The following UBXN7 variants were observed in gnomAD, a reference collection of about 807,000 sequenced individuals.
UBXN7 encodes the protein UBX domain protein 7.
A neutral mutation model predicts 58.0 loss-of-function variants in UBXN7; 9 were observed. That is an observed-to-expected ratio of 0.16 (90% CI 0.09 to 0.27). The LOEUF (loss-of-function observed/expected upper bound fraction) is 0.27, where lower values mean the gene tolerates loss of function less well. UBXN7 is among the 10% of genes least tolerant of loss of function. UBXN7 has a pLI of 1.00. For missense variants in UBXN7, 328 were observed against 599.6 expected (o/e 0.55, Z 4.73); for synonymous variants, 208 against 205.0 (o/e 1.01, Z -0.12).
chr3:196,350,265 A>T lies in UBXN7; in HGVS notation c.*6420T>A, dbSNP rs1285716901. On this transcript the variant is annotated 3_prime_UTR_variant, in exon 11 of 11. Transcript: ENST00000296328. ...GCCTGTGCCAAAAATCATCATGTTT[A>T]TGAGAATATCTGCAATTTTAAGCAA... 6.6e-6 allele frequency: 1 copy of T among 152,250 alleles called. No individual in the cohort carries two copies. Among genetic ancestry groups the T allele is most frequent in the Non-Finnish European group, 1.5e-5 (1 of 68,038 alleles). 9.4% of individuals were successfully genotyped at this position (152,250 alleles called of 1,614,324 possible). A position where few individuals can be genotyped will look rare whatever the true frequency, so the allele number is the denominator to read the frequency against.
intron 1 of UBXN7, chr3:196,431,480 G>A (rs1731046324): frequency 6.5e-6 from 1 of 154,726 alleles, no homozygotes; most frequent in Non-Finnish European, 1.4e-5. Context: ...GGGGTCCAAA[G>A]GGAGAGAACC....
intron 3 of UBXN7, among the ~76,000 whole-genome samples, chr3:196,402,574 T>A (rs567921053): frequency 6.2e-4 from 94 of 152,310 alleles, no homozygotes; most frequent in Non-Finnish European, 1.3e-3. Flanking sequence ...ACTGTGCCCT[T>A]CATCCACATG....
chr3:196,356,091 G>A lies in UBXN7; in HGVS notation c.*594C>T, dbSNP rs1024454867. ...GGAACATGAAAATCCTTTGAAAAAG[G>A]TTTTTAAGTATGATGAGCAATCATT... is the stretch of plus-strand genomic sequence containing the variant. On this transcript the variant is annotated 3_prime_UTR_variant, in exon 11 of 11. Coordinates refer to ENST00000296328, the MANE Select transcript of UBXN7 (RefSeq NM_015562.2). 6.6e-6 allele frequency: 1 copy of A among 152,602 alleles called. No individual in the cohort carries two copies. The highest frequency in any genetic ancestry group is 1.5e-5 in the Non-Finnish European group (1 of 68,042). 9.5% of individuals were successfully genotyped at this position (152,602 alleles called of 1,614,324 possible). A position where few individuals can be genotyped will look rare whatever the true frequency, so the allele number is the denominator to read the frequency against.
intron 8 of UBXN7, among the ~76,000 whole-genome samples, chr3:196,365,292 AAAATT>A (rs1216908429): frequency 6.6e-6 from 1 of 152,006 alleles, no homozygotes; most frequent in Non-Finnish European, 1.5e-5. Flanking sequence ...AAAAGAAAAT[AAAATT>A]AAGCTCAAAG....
intron 5 of UBXN7, among the ~76,000 whole-genome samples, chr3:196,386,380 TAAAAA>T (rs34268326): frequency 1.7e-5 from 1 of 57,728 alleles, no homozygotes; most frequent in Non-Finnish European, 3.2e-5. Flanking sequence ...TAATAAACAC[TAAAAA>T]AAAAAAAAAA....
At chr3:196,372,130 A>G in intron 5 of UBXN7, 88 bp from the exon 6 acceptor site, 3 of 1,433,726 alleles carry the variant, frequency 2.1e-6, no homozygotes, top group Non-Finnish European at 2.8e-6. Flanking sequence ...GTTGTCTTTC[A>G]TTAAAAATAC....
chr3:196,369,521 C>A lies in UBXN7; in HGVS notation c.616-10G>T, dbSNP rs372115062. 5 of 1,588,994 alleles carry A rather than the reference C, an allele frequency of 3.1e-6. No individual in the cohort carries two copies. Among genetic ancestry groups the A allele is most frequent in the South Asian group, 1.1e-5 (1 of 87,910 alleles). On this transcript the variant is annotated splice_polypyrimidine_tract_variant and intron_variant, in intron 6 of 10. Transcript: ENST00000296328. The stretch of plus-strand genomic sequence containing the variant: ...CACTGTCATGATAAACCTGTTAAAT[C>A]ATTGATATAAAAAAAAAAGTCAGCC...
At chr3:196,417,632 G>A (rs890483745) in intron 1 of UBXN7, among the ~76,000 whole-genome samples, 8 of 150,908 alleles carry the variant, frequency 5.3e-5, no homozygotes, top group Non-Finnish European at 7.4e-5. Context: ...AGCTGGGCGT[G>A]GTGGCTCACA....
At chr3:196,417,230 G>A (rs919384431) in intron 1 of UBXN7, among the ~76,000 whole-genome samples, 2 of 152,042 alleles carry the variant, frequency 1.3e-5, no homozygotes, top group Non-Finnish European at 2.9e-5. Flanking sequence ...GGAGAATGGC[G>A]TGAACCCGGC....
At chr3:196,369,643 C>A in intron 6 of UBXN7, 132 bp from the exon 7 acceptor site, 1 of 621,862 alleles carries the variant, frequency 1.6e-6, no homozygotes, top group Non-Finnish European at 2.7e-6. Context: ...CACTCCTACA[C>A]TAAAAAGAAA....
chr3:196,421,656 A>G (rs958237820), intron 1 of UBXN7, among the ~76,000 whole-genome samples: 1 of 152,020 alleles, frequency 6.6e-6, no homozygotes, highest in African/African-American at 2.4e-5. Context: ...AGGCGCCTGT[A>G]GTCCCAGCTA....
rs560440458 is a variant in UBXN7, at chr3:196,367,337, G to T, written c.834+691C>A. ...AATCTTGATACCAATTATCAAACAT[G>T]TCTACCTAGTAATAGTATATTCTAG... On this transcript the variant is annotated intron_variant, in intron 8 of 10. Transcript: ENST00000296328. 3.9e-4 allele frequency among the ~76,000 whole-genome samples: 59 copies of T among 152,246 alleles called. No homozygotes were observed. The South Asian group carries it at 0.012, about 31-fold the overall frequency.
At chr3:196,376,708 T>TAAAA (rs759028908) in intron 5 of UBXN7, among the ~76,000 whole-genome samples, 2 of 152,042 alleles carry the variant, frequency 1.3e-5, no homozygotes, top group Non-Finnish European at 2.9e-5. Context: ...GGTGCATGTG[T>TAAAA]AATGGGATAC....
intron 1 of UBXN7, among the ~76,000 whole-genome samples, chr3:196,424,410 T>TTTA (rs1553855155): frequency 3.0e-5 from 4 of 135,558 alleles, no homozygotes; most frequent in Non-Finnish European, 4.7e-5. Flanking sequence ...TTTTTTTTTT[T>TTTA]AAGAGACAAG....
In UBXN7 at chr3:196,431,903, A is replaced by G. The variant is rs1471722040; in HGVS notation, c.73+424T>C. 8.5e-6 allele frequency: 3 copies of G among 351,460 alleles called. No individual in the cohort carries two copies. The Admixed American group carries it at 1.1e-4, about 13-fold the overall frequency. 21.8% of individuals were successfully genotyped at this position (351,460 alleles called of 1,614,324 possible). ...GGGCAGAATGACCTGGCCGGGGAAG[A>G]AAGGAAAAAAGGAGGTGAGGAGATG... On this transcript the variant is annotated intron_variant, in intron 1 of 10. Coordinates refer to ENST00000296328, the MANE Select transcript of UBXN7 (RefSeq NM_015562.2).
intron 5 of UBXN7, among the ~76,000 whole-genome samples, chr3:196,391,372 T>A (rs76393971): frequency 0.13 from 19,053 of 152,052 alleles, 1,443 homozygotes; most frequent in South Asian, 0.19. Flanking sequence ...ATCATGTAGA[T>A]ATACTTATTA....
At chr3:196,411,636 C>T (rs537383910) in intron 1 of UBXN7, among the ~76,000 whole-genome samples, 1 of 152,226 alleles carries the variant, frequency 6.6e-6, no homozygotes, top group Non-Finnish European at 1.5e-5. Context: ...TATGGTGAAA[C>T]CCCTTCTCTA....
At chr3:196,431,734 G>A (rs1409452821) in intron 1 of UBXN7, 4 of 448,030 alleles carry the variant, frequency 8.9e-6, no homozygotes, top group African/African-American at 2.0e-5. Flanking sequence ...AGCACCCCCC[G>A]CTTCTGGCGG....
intron 9 of UBXN7, 139 bp downstream of exon 9, chr3:196,362,155 G>A (rs142479384): frequency 4.1e-6 from 5 of 1,208,122 alleles, no homozygotes; most frequent in East Asian, 4.9e-5. Context: ...CACCACACCT[G>A]GCTAAGTTTT....
Sources: gnomAD v4.1 joint callset for allele counts (sites outside exome capture counted in the v4.1 genomes callset) on GRCh38, gnomAD v4.1.1 for gene constraint, MANE v1.5 for transcripts, NCBI Gene and HGNC (gene_info 2026-07-23, HGNC 2026-07-21) for gene names.